Variants in CFAP61 observed in about 807,000 individuals in gnomAD.
The protein encoded by CFAP61 is cilia- and flagella-associated protein 61.
In CFAP61, 107 loss-of-function variants were observed where a neutral mutation model predicts 135.6. That is an observed-to-expected ratio of 0.79 (90% CI 0.67 to 0.93). CFAP61 has a LOEUF of 0.93. Ranked by LOEUF, CFAP61 falls within the 40% of genes least tolerant of loss-of-function variation. The pLI, the probability that CFAP61 is intolerant of heterozygous loss-of-function variation, is 0.00. For synonymous variants in CFAP61, 575 were observed against 578.5 expected (o/e 0.99, Z 0.09); for missense variants, 1,507 against 1,556.2 (o/e 0.97, Z 0.53).
At chr20:20,329,310 G>A (rs932575803) in intron 25 of CFAP61, among the ~76,000 whole-genome samples, 1 of 152,150 alleles carries the variant, frequency 6.6e-6, no homozygotes, top group Non-Finnish European at 1.5e-5. Context: ...AGGCACTTCT[G>A]TCTCCACTTT....
intron 21 of CFAP61, among the ~76,000 whole-genome samples, chr20:20,266,663 G>A (rs1198110735): frequency 6.6e-6 from 1 of 152,150 alleles, no homozygotes; most frequent in Non-Finnish European, 1.5e-5. Flanking sequence ...TTAGTAATGA[G>A]AGTAATAACA....
rs1335195443 is a variant in CFAP61 at position 20,070,977 on chromosome 20, G to C, written c.267G>C (p.Arg89=). ...AKQDDWVSVF[R]ELDSDIPCTP... ...AGGATGACTGGGTGTCAGTGTTCCG[G>C]GAGCTCGACAGTGACATCCCATGCA... Residue 89 remains arginine, a synonymous_variant, in exon 3 of 27, where the codon CGG becomes CGC. Coordinates refer to ENST00000245957, the MANE Select transcript of CFAP61 (RefSeq NM_015585.4). 4 of 1,614,118 alleles carry C rather than the reference G, an allele frequency of 2.5e-6. No individual in the cohort carries two copies. Among genetic ancestry groups the C allele is most frequent in the Non-Finnish European group, 3.4e-6 (4 of 1,180,008 alleles).
rs111993012 is a variant in CFAP61 at position 20,096,713 on chromosome 20, TC to T, written c.700-1941del. On this transcript the variant is annotated intron_variant, in intron 7 of 26. Transcript: ENST00000245957. ...CACATATGGTAGATGGATTGGTTAA[TC>T]AGCGTCTGCTGAGTCTTGGGCCTGA... Among the ~76,000 whole-genome samples, 936 of 152,360 alleles carry T rather than the reference TC, an allele frequency of 6.1e-3. 9 individuals are homozygous for T. Among genetic ancestry groups the T allele is most frequent in the African/African-American group, 0.022 (894 of 41,580 alleles).
At chr20:20,085,421 C>T in intron 6 of CFAP61, 2 of 1,363,594 alleles carry the variant, frequency 1.5e-6, no homozygotes, top group Non-Finnish European at 2.0e-6. Flanking sequence ...CCAAGGAATG[C>T]ATTTAGCAGA....
chr20:20,083,443 G>T (rs1300397266), intron 6 of CFAP61, among the ~76,000 whole-genome samples: 1 of 151,820 alleles, frequency 6.6e-6, no homozygotes, highest in Admixed American at 6.6e-5. Flanking sequence ...TCACTACTAA[G>T]GAACTCATCC....
chr20:20,231,327 A>G (rs1002284395), intron 18 of CFAP61, among the ~76,000 whole-genome samples: 2 of 151,962 alleles, frequency 1.3e-5, no homozygotes, highest in African/African-American at 4.8e-5. Flanking sequence ...TGTCCTTCCT[A>G]GGAGGAGCCT....
At chr20:20,316,137 C>T (rs915690381) in intron 25 of CFAP61, among the ~76,000 whole-genome samples, 2 of 151,594 alleles carry the variant, frequency 1.3e-5, no homozygotes, top group African/African-American at 4.9e-5. Context: ...GGCAGTATGG[C>T]CATTTTCACG....
chr20:20,323,000 T>C (rs1251819991), intron 25 of CFAP61: 3 of 985,262 alleles, frequency 3.0e-6, no homozygotes, highest in African/African-American at 1.7e-5. Flanking sequence ...TTTTCAATAA[T>C]GTCAGATGGC....
At chr20:20,172,187 T>A in intron 13 of CFAP61, 1 of 912,764 alleles carries the variant, frequency 1.1e-6, no homozygotes, top group Non-Finnish European at 1.3e-6. Context: ...GTATAGAAGT[T>A]CTAAAAAGTT....
chr20:20,173,803 A>G (rs2054402912), intron 13 of CFAP61, among the ~76,000 whole-genome samples: 1 of 152,210 alleles, frequency 6.6e-6, no homozygotes, highest in African/African-American at 2.4e-5. Flanking sequence ...AATAAATACA[A>G]TTGAATAAAG....
chr20:20,068,328 C>G (rs755943995), intron 2 of CFAP61, among the ~76,000 whole-genome samples: 31 of 152,186 alleles, frequency 2.0e-4, no homozygotes, highest in Admixed American at 7.9e-4. Context: ...CTCTGGGAGT[C>G]TGGGGCAGAG....
At chr20:20,240,801 TCTG>T (rs1044929035) in intron 18 of CFAP61, among the ~76,000 whole-genome samples, 1 of 152,172 alleles carries the variant, frequency 6.6e-6, no homozygotes, top group Non-Finnish European at 1.5e-5. Context: ...GTCACTGAGT[TCTG>T]GCTAGGTAAG....
intron 21 of CFAP61, among the ~76,000 whole-genome samples, chr20:20,263,463 G>A (rs2052435569): frequency 7.6e-6 from 1 of 131,970 alleles, no homozygotes; most frequent in African/African-American, 2.7e-5. Context: ...GCAATTATAT[G>A]GAAAATATGT....
At chr20:20,146,781 G>C in intron 9 of CFAP61, among the ~76,000 whole-genome samples, 1 of 152,156 alleles carries the variant, frequency 6.6e-6, no homozygotes, top group East Asian at 1.9e-4. Flanking sequence ...AGTTTCAATA[G>C]TTTTGGGGCT....
intron 18 of CFAP61, 54 bp downstream of exon 18, chr20:20,228,430 T>C (rs956171407): frequency 1.2e-5 from 18 of 1,482,610 alleles, no homozygotes; most frequent in Non-Finnish European, 1.7e-5. Context: ...AAAATTATCT[T>C]CCTACATCTG....
At chr20:20,150,416 G>A (rs758331449) in intron 9 of CFAP61, among the ~76,000 whole-genome samples, 87 of 152,234 alleles carry the variant, frequency 5.7e-4, no homozygotes, top group Middle Eastern at 3.4e-3. Context: ...GTGCTCTCTC[G>A]AAAGTGCCAC....
chr20:20,262,470 T>A (rs2052323339), intron 20 of CFAP61, among the ~76,000 whole-genome samples: 1 of 152,150 alleles, frequency 6.6e-6, no homozygotes, highest in Non-Finnish European at 1.5e-5. Flanking sequence ...GCAAGGCAAA[T>A]CATGACAATT....
At chr20:20,060,750 C>T (rs1163248737) in intron 2 of CFAP61, among the ~76,000 whole-genome samples, 7 of 152,226 alleles carry the variant, frequency 4.6e-5, no homozygotes, top group Non-Finnish European at 8.8e-5. Context: ...AAGTCTAAGT[C>T]ATAAGAAGTC....
chr20:20,109,123 T>C (rs1349985801), intron 8 of CFAP61, among the ~76,000 whole-genome samples: 2 of 152,208 alleles, frequency 1.3e-5, no homozygotes, highest in Non-Finnish European at 2.9e-5. Flanking sequence ...ATGTCATGCA[T>C]GTGGAACTCT....
Sources: gnomAD v4.1 joint callset for allele counts (sites outside exome capture counted in the v4.1 genomes callset) on GRCh38, gnomAD v4.1.1 for gene constraint, MANE v1.5 for transcripts, NCBI Gene and HGNC (gene_info 2026-07-23, HGNC 2026-07-21) for gene names.